Variants in PDCD6 observed in about 807,000 individuals in gnomAD.
PDCD6 encodes programmed cell death protein 6.
PDCD6 carries 12 observed loss-of-function variants against 28.3 expected under a neutral mutation model. The ratio of observed to expected loss-of-function variants is 0.42; its 90% confidence interval spans 0.27 to 0.69. PDCD6 has a LOEUF of 0.69. PDCD6 is among the 30% of genes least tolerant of loss of function. The probability of loss-of-function intolerance (pLI) is 0.22; values close to 1 mark genes in which losing one functional copy is unlikely to be tolerated. For missense variants in PDCD6, 226 were observed against 269.9 expected (o/e 0.84, Z 1.14); for synonymous variants, 92 against 108.0 (o/e 0.85, Z 0.92).
chr5:272,739 T>C lies in PDCD6; in HGVS notation c.130T>C (p.Ser44Pro), dbSNP rs569881326. The change falls in exon 2 of 6, where the codon TCA becomes CCA. Residue 44 changes from serine to proline, a missense_variant. Ser to Pro is a moderately conservative substitution (Grantham distance 74). Coordinates refer to ENST00000264933, the MANE Select transcript of PDCD6 (RefSeq NM_013232.4). ...CGATAAAGACAGGAGTGGAGTGATATCAGACACCGAGCTTCAGCAAGCTCT... is the reference window on the plus strand; with the variant it reads ...CGATAAAGACAGGAGTGGAGTGATACCAGACACCGAGCTTCAGCAAGCTCT... ...RVDKDRSGVI[S>P]DTELQQALSN... 7 of 1,589,026 alleles carry C rather than the reference T, an allele frequency of 4.4e-6. No homozygotes were observed. In the East Asian group the frequency reaches 6.7e-5, roughly 15 times the overall value.
intron 2 of PDCD6, among the ~76,000 whole-genome samples, chr5:296,053 C>T (rs1285464655): frequency 6.6e-6 from 1 of 152,124 alleles, no homozygotes; most frequent in Admixed American, 6.5e-5. Context: ...TGGTGAGTCT[C>T]TCTTCCTTCA....
chr5:271,888 C>T (rs1180465041), intron 1 of PDCD6, 67 bp downstream of exon 1: 14 of 855,404 alleles, frequency 1.6e-5, no homozygotes, highest in Non-Finnish European at 2.3e-5. Flanking sequence ...TGTCCCGACT[C>T]CCCCGACCAA....
At chr5:274,787 A>C (rs562215955) in intron 2 of PDCD6, among the ~76,000 whole-genome samples, 57 of 151,978 alleles carry the variant, frequency 3.8e-4, no homozygotes, top group East Asian at 3.7e-3. Flanking sequence ...CACCAGAGGG[A>C]GTTAGTCCTG....
chr5:311,262 C>T, intron 4 of PDCD6, 31 bp from the exon 5 acceptor site: 1 of 1,554,684 alleles, frequency 6.4e-7, no homozygotes, highest in Non-Finnish European at 8.9e-7. Flanking sequence ...TCTCTCCCAG[C>T]CTTCTCTGAC....
At chr5:299,674 C>T (rs1261670411) in intron 2 of PDCD6, among the ~76,000 whole-genome samples, 15 of 151,950 alleles carry the variant, frequency 9.9e-5, no homozygotes, top group South Asian at 2.1e-4. Context: ...CTCAGCCCCC[C>T]GAGTAGCTGG....
chr5:292,900 G>A (rs1219836471), intron 2 of PDCD6, among the ~76,000 whole-genome samples: 1 of 152,200 alleles, frequency 6.6e-6, no homozygotes, highest in Non-Finnish European at 1.5e-5. Context: ...GACACCTAGA[G>A]GCCCTTGGTT....
At chr5:283,081 CAGG>C (rs905712477) in intron 2 of PDCD6, among the ~76,000 whole-genome samples, 19 of 139,914 alleles carry the variant, frequency 1.4e-4, no homozygotes, top group African/African-American at 4.8e-4. Context: ...GAGACTCAGG[CAGG>C]AGCTGATGTT....
rs1157365019 is a variant in PDCD6 at position 305,113 on chromosome 5, C to CAG, written c.208+893_208+894dup. Reference sequence around the variant, plus strand: ...TCCAGGGGCAGGCAGGCCTGGGAGGCAGGTGTTCAGGAGAGTCATGTTTCC... The same window carrying CAG: ...TCCAGGGGCAGGCAGGCCTGGGAGGCAGAGGTGTTCAGGAGAGTCATGTTTCC... On this transcript the variant is annotated intron_variant, in intron 3 of 5. Transcript: ENST00000264933. The surrounding 1 kb of genome is among the most constrained non-coding windows in gnomAD (Gnocchi z 4.0). 1 of 152,624 alleles carries CAG rather than the reference C, an allele frequency of 6.6e-6. No homozygotes were observed. Among genetic ancestry groups the CAG allele is most frequent in the African/African-American group, 2.4e-5 (1 of 41,406 alleles). 9.5% of individuals were successfully genotyped at this position (152,624 alleles called of 1,614,324 possible). A position where few individuals can be genotyped will look rare whatever the true frequency, so the allele number is the denominator to read the frequency against.
intron 2 of PDCD6, among the ~76,000 whole-genome samples, chr5:297,463 A>G (rs917198229): frequency 7.9e-5 from 12 of 152,256 alleles, no homozygotes; most frequent in Admixed American, 2.6e-4. Flanking sequence ...CACTTCGATT[A>G]TTTCAAGTGT....
chr5:286,824 A>G (rs1017938691), intron 2 of PDCD6, among the ~76,000 whole-genome samples: 1 of 152,112 alleles, frequency 6.6e-6, no homozygotes, highest in African/African-American at 2.4e-5. Context: ...TGCGGTTCAA[A>G]TATGAGGGTC....
intron 2 of PDCD6, chr5:273,455 A>G (rs1329806643): frequency 6.6e-6 from 1 of 152,660 alleles, no homozygotes; most frequent in Non-Finnish European, 1.5e-5. Context: ...TACTTCATTG[A>G]AACCTGACTG....
intron 2 of PDCD6, among the ~76,000 whole-genome samples, chr5:286,733 T>C (rs1381814545): frequency 1.3e-5 from 2 of 152,062 alleles, no homozygotes; most frequent in Non-Finnish European, 2.9e-5. Context: ...TTGAGGGCCG[T>C]GCAGGTGGAG....
chr5:291,124 G>T (rs1240585547), intron 2 of PDCD6, among the ~76,000 whole-genome samples: 2 of 152,194 alleles, frequency 1.3e-5, no homozygotes, highest in East Asian at 3.9e-4. Flanking sequence ...GAGGGAATCA[G>T]TTCCTGCTTT....
At chr5:272,876 T>C in intron 2 of PDCD6, 104 bp downstream of exon 2, 1 of 1,463,098 alleles carries the variant, frequency 6.8e-7, no homozygotes, top group Non-Finnish European at 9.2e-7. Flanking sequence ...GACAAAGGAA[T>C]CATTAGGACA....
Position 311,327 on chromosome 5 carries a change from C to T in PDCD6, c.402C>T (p.Leu134=), listed in dbSNP as rs1560865445. 4 of 1,614,010 alleles carry T rather than the reference C, an allele frequency of 2.5e-6. No homozygotes were observed. The highest frequency in any genetic ancestry group is 3.4e-6 in the Non-Finnish European group (4 of 1,180,020). ...YRLSDQFHDI[L]IRKFDRQGRG... is the part of the protein sequence containing the mutation. ...TCTCTGACCAGTTCCACGACATCCT[C>T]ATTCGAAAGTTTGACAGGCAGGGAC... The change falls in exon 5 of 6, where the codon CTC becomes CTT. Residue 134 remains leucine, a synonymous_variant. Transcript: ENST00000264933.
chr5:311,461 G>C, intron 5 of PDCD6, 59 bp downstream of exon 5: 4 of 1,107,482 alleles, frequency 3.6e-6, no homozygotes, highest in Non-Finnish European at 5.5e-6. Context: ...GCTTGCCAGC[G>C]TGATGCACCT....
chr5:290,314 A>C (rs1364629617), intron 2 of PDCD6: 2 of 1,305,276 alleles, frequency 1.5e-6, no homozygotes, highest in East Asian at 4.6e-5. Context: ...GAGACTCTCA[A>C]CGTCCATGGC....
chr5:311,427 T>C (rs1380084859), intron 5 of PDCD6, 25 bp downstream of exon 5: 1 of 1,531,000 alleles, frequency 6.5e-7, no homozygotes. Context: ...TCACGTGGGT[T>C]TGTGGTGGTG....
chr5:289,540 T>C (rs1739189473), intron 2 of PDCD6: 2 of 752,096 alleles, frequency 2.7e-6, no homozygotes, highest in East Asian at 4.9e-5. Flanking sequence ...GCAAGTCGCT[T>C]GAATGGCTGT....
Sources: gnomAD v4.1 joint callset for allele counts (sites outside exome capture counted in the v4.1 genomes callset) on GRCh38, gnomAD v4.1.1 for gene constraint, Gnocchi (gnomAD v3.1) non-coding constraint, MANE v1.5 for transcripts, NCBI Gene and HGNC (gene_info 2026-07-23, HGNC 2026-07-21) for gene names.